The following ITGAX variants were observed in gnomAD, a reference collection of about 807,000 sequenced individuals.
The protein encoded by ITGAX is integrin alpha-X.
A neutral mutation model predicts 140.2 loss-of-function variants in ITGAX; 99 were observed. The ratio of observed to expected loss-of-function variants is 0.71; its 90% CI spans 0.60 to 0.83. The LOEUF (loss-of-function observed/expected upper bound fraction) is 0.83, where lower values mean the gene tolerates loss of function less well. ITGAX is among the 40% of genes least tolerant of loss of function. The probability of loss-of-function intolerance (pLI) is 0.00; values close to 1 mark genes in which losing one functional copy is unlikely to be tolerated. For missense variants in ITGAX, 1,444 were observed against 1,482.0 expected, an observed-to-expected ratio of 0.97 and a Z score of 0.42; for synonymous variants, 631 against 600.4, an observed-to-expected ratio of 1.05 and a Z score of -0.75.
intron 2 of ITGAX, 68 bp downstream of exon 2, chr16:31,356,066 G>A (rs975234074): frequency 1.5e-5 from 17 of 1,112,040 alleles, no homozygotes; most frequent in Admixed American, 6.2e-5. Flanking sequence ...CCATGCCCCC[G>A]GCCCTGCCCT....
intron 9 of ITGAX, 120 bp downstream of exon 9, chr16:31,361,333 C>T: frequency 8.9e-7 from 1 of 1,129,600 alleles, no homozygotes. Flanking sequence ...TTCCCGGGAC[C>T]CCGATAGCCA....
rs766383732 is a variant in ITGAX, at chr16:31,361,839, C to T, written c.1016C>T (p.Thr339Met). Reference protein sequence around the residue: ...LKEKIFAIEGTETTSSSSFEL... With the variant: ...LKEKIFAIEGMETTSSSSFEL... ...CAAGCGTCATGCCTTCCCCCAGGTACGGAGACCACAAGCAGTAGCTCCTTC... is the reference window on the plus strand; with the variant it reads ...CAAGCGTCATGCCTTCCCCCAGGTATGGAGACCACAAGCAGTAGCTCCTTC... The change falls in exon 10 of 30, where the codon ACG becomes ATG. Residue 339 changes from threonine to methionine, a missense_variant. Physicochemically the swap from Thr to Met is moderately conservative, Grantham distance 81. Transcript: ENST00000268296. 82 of 1,613,994 alleles carry T rather than the reference C, an allele frequency of 5.1e-5. No homozygotes were observed. The Middle Eastern group carries it at 8.3e-4, about 16-fold the overall frequency.
At chr16:31,367,111 C>T (rs2080900204) in intron 14 of ITGAX, among the ~76,000 whole-genome samples, 2 of 152,176 alleles carry the variant, frequency 1.3e-5, no homozygotes, top group Non-Finnish European at 2.9e-5. Flanking sequence ...GAATGCTCTT[C>T]AGTTCTATGA....
At chr16:31,369,020 C>T (rs1284995224) in intron 14 of ITGAX, among the ~76,000 whole-genome samples, 1 of 152,230 alleles carries the variant, frequency 6.6e-6, no homozygotes, top group African/African-American at 2.4e-5. Flanking sequence ...TCTACACAGA[C>T]ACGGCAACCA....
At chr16:31,366,620 A>G (rs1316029244) in intron 14 of ITGAX, among the ~76,000 whole-genome samples, 1 of 152,164 alleles carries the variant, frequency 6.6e-6, no homozygotes, top group Non-Finnish European at 1.5e-5. Context: ...GGTTCAAGTG[A>G]TTCTCCTGCC....
At chr16:31,360,931 G>A (rs774896238) in intron 8 of ITGAX, 132 bp from the exon 9 acceptor site, 44 of 842,426 alleles carry the variant, frequency 5.2e-5, no homozygotes, top group Non-Finnish European at 8.0e-5. Flanking sequence ...TGCTGTCCGG[G>A]CTTCGTGTTT....
At chr16:31,360,101 C>T (rs1268039437) in intron 7 of ITGAX, 36 bp downstream of exon 7, 1 of 1,604,160 alleles carries the variant, frequency 6.2e-7, no homozygotes, top group Admixed American at 1.7e-5. Flanking sequence ...AGTCCCAAAG[C>T]ACCCAGGTCT....
At chr16:31,373,165 A>C in intron 19 of ITGAX, 84 bp from the exon 20 acceptor site, 2 of 879,350 alleles carry the variant, frequency 2.3e-6, no homozygotes, top group Non-Finnish European at 3.3e-6. Flanking sequence ...TATCTCCCAA[A>C]TCCCCACCCA....
intron 2 of ITGAX, 33 bp downstream of exon 2, chr16:31,356,031 A>C: frequency 6.7e-7 from 1 of 1,492,494 alleles, no homozygotes; most frequent in Non-Finnish European, 9.3e-7. Context: ...CTTTGGCTCC[A>C]TCCATCCTCT....
chr16:31,371,568 A>T, intron 16 of ITGAX, 62 bp from the exon 17 acceptor site: 1 of 1,610,312 alleles, frequency 6.2e-7, no homozygotes. Context: ...CCTGTCTCCC[A>T]CCCTGCTCAT....
chr16:31,357,238 C>T lies in ITGAX; in HGVS notation c.319-15C>T, dbSNP rs778999205. The T allele has an allele frequency of 1.9e-6, 3 of 1,585,566 alleles. No homozygotes were observed. The highest frequency in any genetic ancestry group is 4.6e-5 in the East Asian group (2 of 43,684). The stretch of plus-strand genomic sequence containing the variant: ...GAAGCAGGGGCAGCCCCCCAGCAGC[C>T]CGCTGTGTCCCCAGGCCTGCGGCCC... On this transcript the variant is annotated splice_polypyrimidine_tract_variant and intron_variant, in intron 4 of 29. Coordinates refer to ENST00000268296, the MANE Select transcript of ITGAX (RefSeq NM_000887.5).
chr16:31,357,221 GGCA>G (rs1718184986), intron 4 of ITGAX, 29 bp from the exon 5 acceptor site: 1 of 1,558,046 alleles, frequency 6.4e-7, no homozygotes, highest in Admixed American at 1.8e-5. Context: ...AGGAAGCAGG[GGCA>G]GCCCCCCAGC....
intron 20 of ITGAX, among the ~76,000 whole-genome samples, chr16:31,373,797 G>A (rs1006216566): frequency 6.6e-6 from 1 of 152,204 alleles, no homozygotes; most frequent in African/African-American, 2.4e-5. Context: ...CGTGGTCTGC[G>A]TGGTCTGTGT....
intron 19 of ITGAX, 32 bp from the exon 20 acceptor site, chr16:31,373,217 T>A (rs766098084): frequency 6.8e-7 from 1 of 1,460,580 alleles, no homozygotes; most frequent in Non-Finnish European, 9.3e-7. Flanking sequence ...AGTCACAGAA[T>A]CATCTTCTCC....
chr16:31,362,243 C>A (rs200734472), intron 11 of ITGAX, 39 bp downstream of exon 11: 1 of 1,610,608 alleles, frequency 6.2e-7, no homozygotes, highest in Non-Finnish European at 8.5e-7. Flanking sequence ...GTGGGAGATG[C>A]ACTGCCCAGG....
At chr16:31,381,066 G>A (rs2081065313) in intron 29 of ITGAX, 59 bp downstream of exon 29, 3 of 1,366,238 alleles carry the variant, frequency 2.2e-6, no homozygotes, top group Non-Finnish European at 3.1e-6. Context: ...TTTTTGCAGA[G>A]TGAGAAGGAG....
At chr16:31,361,402 G>A (rs2142490297) in intron 9 of ITGAX, 189 bp downstream of exon 9, 5 of 732,844 alleles carry the variant, frequency 6.8e-6, no homozygotes, top group South Asian at 3.5e-5. Flanking sequence ...CCCCAAAGTG[G>A]CCCCAGGGAT....
intron 20 of ITGAX, among the ~76,000 whole-genome samples, chr16:31,375,861 T>C (rs1262461674): frequency 6.6e-6 from 1 of 152,238 alleles, no homozygotes; most frequent in Admixed American, 6.5e-5. Flanking sequence ...CCAAATGTAA[T>C]GGGTGGACCT....
chr16:31,382,266 GAC>G lies in ITGAX; in HGVS notation c.*360_*361del. 1.4e-6 allele frequency: 1 copy of G among 724,662 alleles called. No homozygotes were observed. The highest frequency in any genetic ancestry group is 1.7e-6 in the Non-Finnish European group (1 of 593,860). 44.9% of individuals were successfully genotyped at this position (724,662 alleles called of 1,614,324 possible). On this transcript the variant is annotated 3_prime_UTR_variant, in exon 30 of 30. Coordinates refer to ENST00000268296, the MANE Select transcript of ITGAX (RefSeq NM_000887.5). ...TTTCTTTTCTTTTTTTTTTTTTTGA[GAC>G]GGAGTCTCGCTCTGTCACCCAGGCT...
Sources: allele counts gnomAD v4.1 joint callset (sites outside exome capture counted in the v4.1 genomes callset), GRCh38; gene constraint gnomAD v4.1.1; transcripts MANE v1.5; gene names NCBI Gene and HGNC (gene_info 2026-07-23, HGNC 2026-07-21).